Variants in SVIL observed in about 807,000 individuals in gnomAD.
SVIL encodes archvillin.
SVIL carries 101 observed loss-of-function variants against 240.4 expected under a neutral mutation model. That is an observed-to-expected ratio of 0.42 (90% CI 0.36 to 0.50). The LOEUF is 0.50. Among genes scored for constraint, SVIL ranks in the 20% least tolerant of loss-of-function variants. SVIL has a pLI of 0.01. For missense variants in SVIL, 2,512 were observed against 2,818.7 expected (o/e 0.89, Z 2.46); for synonymous variants, 999 against 1,100.0 (o/e 0.91, Z 1.82).
intron 36 of SVIL, among the ~76,000 whole-genome samples, chr10:29,460,079 A>G (rs1445405224): frequency 6.6e-6 from 1 of 152,110 alleles, no homozygotes; most frequent in African/African-American, 2.4e-5. Context: ...GTGACAAAGC[A>G]AGATCCTTTC....
chr10:29,551,089 C>G lies in SVIL; in HGVS notation c.335G>C (p.Arg112Thr). The G allele has an allele frequency of 6.2e-7, 1 of 1,614,176 alleles. No individual in the cohort carries two copies. ...AERIARYKAE[R>T]RRQLAEKYGL... ...ATACTTCTCTGCCAGCTGTCGCCTT[C>G]TTTCTGCTTTGTACCTTGCAATTCT... is the stretch of plus-strand genomic sequence containing the variant. Residue 112 changes from arginine (R) to threonine (T), a missense_variant, in exon 6 of 38, where the codon AGA (arginine) becomes ACA (threonine). Arg to Thr is a moderately conservative substitution (Grantham distance 71). Transcript: ENST00000355867.
chr10:29,539,521 A>G lies in SVIL; in HGVS notation c.828-3452T>C, dbSNP rs948109480. On this transcript the variant is annotated intron_variant, in intron 6 of 37. Transcript: ENST00000355867. ...ATGTATTTGGGTGAGGTTATCTGCC[A>G]TCTGAAATGAAAATGAGAGAGGGAT... 5.9e-5 allele frequency among the ~76,000 whole-genome samples: 9 copies of G among 152,326 alleles called. No individual in the cohort carries two copies. The South Asian group carries it at 1.9e-3, about 32-fold the overall frequency.
intron 5 of SVIL, 115 bp from the exon 6 acceptor site, chr10:29,551,378 A>C: frequency 9.7e-7 from 1 of 1,028,736 alleles, no homozygotes; most frequent in Admixed American, 3.0e-5. Flanking sequence ...GCTGTGAAGG[A>C]CCAGTTTCTC....
chr10:29,575,302 G>C (rs1799620988), intron 1 of SVIL: 1 of 206,496 alleles, frequency 4.8e-6, no homozygotes, highest in South Asian at 9.9e-5. Context: ...GAGTGCCATG[G>C]GCTAGGCCAA....
At chr10:29,468,310 T>C (rs1477662622) in intron 32 of SVIL, among the ~76,000 whole-genome samples, 1 of 152,232 alleles carries the variant, frequency 6.6e-6, no homozygotes, top group Non-Finnish European at 1.5e-5. Context: ...TGAATTCTTT[T>C]TTATGGCAGA....
chr10:29,457,717 A>AGAT lies in SVIL; in HGVS notation c.*527_*529dup, dbSNP rs1943726709. ...AGGAAACATTTCCAAACGTGTATGA[A>AGAT]GATACATATTGGTGGCAGAGCTAAT... is the stretch of plus-strand genomic sequence containing the variant. On this transcript the variant is annotated 3_prime_UTR_variant, in exon 38 of 38. Transcript: ENST00000355867. 1.3e-5 allele frequency: 2 copies of AGAT among 152,652 alleles called. No homozygotes were observed. Among genetic ancestry groups the AGAT allele is most frequent in the African/African-American group, 2.4e-5 (1 of 41,446 alleles). 9.5% of individuals were successfully genotyped at this position (152,652 alleles called of 1,614,324 possible). A position where few individuals can be genotyped will look rare whatever the true frequency, so the allele number is the denominator to read the frequency against.
chr10:29,548,829 G>A lies in SVIL; in HGVS notation c.827+1768C>T, dbSNP rs117900778. Among the ~76,000 whole-genome samples the A allele has an allele frequency of 1.4e-3, 215 of 152,286 alleles. 1 individual carries two copies. The highest frequency in any genetic ancestry group is 2.5e-3 in the Non-Finnish European group (173 of 68,022). On this transcript the variant is annotated intron_variant, in intron 6 of 37. Transcript: ENST00000355867. ...TCTGATATGATTACAGAAAAGCGGCGAAAAGATAAACTATGAAAGGGGTGT... is the reference window on the plus strand; with the variant it reads ...TCTGATATGATTACAGAAAAGCGGCAAAAAGATAAACTATGAAAGGGGTGT...
chr10:29,535,482 T>C (rs955743906), intron 7 of SVIL, among the ~76,000 whole-genome samples: 1 of 152,194 alleles, frequency 6.6e-6, no homozygotes, highest in Non-Finnish European at 1.5e-5. Context: ...GTCTTAAAAA[T>C]GAAATGATAG....
At chr10:29,509,362 A>AGAGAG (rs1554828053) in intron 17 of SVIL, among the ~76,000 whole-genome samples, 1 of 130,748 alleles carries the variant, frequency 7.6e-6, no homozygotes, top group Non-Finnish European at 1.7e-5. Context: ...AGAGAGAGAG[A>AGAGAG]GAGAGAGAGA....
At chr10:29,603,872 G>A (rs904115957) in intron 1 of SVIL, among the ~76,000 whole-genome samples, 2 of 152,160 alleles carry the variant, frequency 1.3e-5, no homozygotes, top group Admixed American at 1.3e-4. Flanking sequence ...CATAAAGTCA[G>A]GACTTGATCC....
At chr10:29,557,743 T>C (rs1014991995) in intron 3 of SVIL, among the ~76,000 whole-genome samples, 1 of 152,212 alleles carries the variant, frequency 6.6e-6, no homozygotes, top group East Asian at 1.9e-4. Context: ...TAGACTTTCC[T>C]ACTGCCCTTC....
chr10:29,524,958 A>G (rs186864886), intron 13 of SVIL, among the ~76,000 whole-genome samples: 4 of 152,176 alleles, frequency 2.6e-5, no homozygotes, highest in Non-Finnish European at 5.9e-5. Flanking sequence ...CTACAAAACG[A>G]ATTTCCTGTT....
chr10:29,641,781 G>A (rs1404193143), intron 3 of SVIL, among the ~76,000 whole-genome samples: 1 of 152,158 alleles, frequency 6.6e-6, no homozygotes, highest in Non-Finnish European at 1.5e-5. Flanking sequence ...TTGTGCAGGT[G>A]TATTCCTACA....
chr10:29,634,134 TAA>T (rs1243635640), intron 1 of SVIL, among the ~76,000 whole-genome samples: 1 of 151,928 alleles, frequency 6.6e-6, no homozygotes, highest in African/African-American at 2.4e-5. Context: ...CAGAATGTAC[TAA>T]GTTATATTAA....
chr10:29,697,000 G>A (rs1281706880), intron 1 of SVIL, among the ~76,000 whole-genome samples: 10 of 135,206 alleles, frequency 7.4e-5, no homozygotes, highest in East Asian at 5.0e-4. Flanking sequence ...CAGCCGCCCC[G>A]TCCGGGAGGG....
At chr10:29,503,811 G>A (rs1949073136) in intron 17 of SVIL, among the ~76,000 whole-genome samples, 1 of 152,158 alleles carries the variant, frequency 6.6e-6, no homozygotes, top group African/African-American at 2.4e-5. Flanking sequence ...CAGTTCCAAA[G>A]TCCCAGCAAG....
chr10:29,713,940 G>T (rs1320526886), intron 1 of SVIL, among the ~76,000 whole-genome samples: 2 of 152,228 alleles, frequency 1.3e-5, no homozygotes, highest in African/African-American at 4.8e-5. Flanking sequence ...ATATGGAATA[G>T]AATTCAGCAC....
chr10:29,627,860 A>G (rs141852460), intron 1 of SVIL, among the ~76,000 whole-genome samples: 1 of 152,338 alleles, frequency 6.6e-6, no homozygotes, highest in African/African-American at 2.4e-5. Flanking sequence ...TAAAAAATGT[A>G]TGAAATCATA....
intron 1 of SVIL, among the ~76,000 whole-genome samples, chr10:29,601,460 A>G (rs1318213086): frequency 6.6e-6 from 1 of 152,252 alleles, no homozygotes; most frequent in Non-Finnish European, 1.5e-5. Flanking sequence ...TCACCATAGC[A>G]TCTAGCCACT....
Sources: gnomAD v4.1 joint callset for allele counts (sites outside exome capture counted in the v4.1 genomes callset) on GRCh38, gnomAD v4.1.1 for gene constraint, MANE v1.5 for transcripts, NCBI Gene and HGNC (gene_info 2026-07-23, HGNC 2026-07-21) for gene names.